BFSP2: variants seen among roughly 807,000 people sequenced by gnomAD.
BFSP2 encodes phakinin.
A neutral mutation model predicts 44.9 loss-of-function variants in BFSP2; 38 were observed. That is an observed-to-expected ratio of 0.85 (90% CI 0.65 to 1.11). The LOEUF (loss-of-function observed/expected upper bound fraction) is 1.11, where lower values mean the gene tolerates loss of function less well. BFSP2 is among the 50% of genes least tolerant of loss of function. BFSP2 has a pLI of 0.00. For missense variants in BFSP2, 525 were observed against 533.0 expected (o/e 0.99, Z 0.15); for synonymous variants, 197 against 209.9 (o/e 0.94, Z 0.53).
chr3:133,450,068 G>T (rs1450844364), intron 3 of BFSP2, among the ~76,000 whole-genome samples: 2 of 147,774 alleles, frequency 1.4e-5, no homozygotes, highest in Non-Finnish European at 3.0e-5. Flanking sequence ...GAGAGAGAAG[G>T]AAAGGAAGGA....
At chr3:133,426,430 A>T (rs1156527590) in intron 1 of BFSP2, among the ~76,000 whole-genome samples, 1 of 152,206 alleles carries the variant, frequency 6.6e-6, no homozygotes, top group African/African-American at 2.4e-5. Context: ...TCTTTTAATC[A>T]TCTTGAAATC....
At chr3:133,437,432 A>G (rs1022763949) in intron 1 of BFSP2, among the ~76,000 whole-genome samples, 19 of 152,268 alleles carry the variant, frequency 1.2e-4, no homozygotes, top group African/African-American at 4.6e-4. Context: ...CTGAGGCAGG[A>G]GAATTGCTTG....
intron 4 of BFSP2, among the ~76,000 whole-genome samples, chr3:133,450,892 A>G (rs1335096902): frequency 2.0e-5 from 3 of 152,172 alleles, no homozygotes; most frequent in Non-Finnish European, 4.4e-5. Context: ...CGGGCGGATC[A>G]TGAGGTCAGG....
At chr3:133,410,026 C>A in intron 1 of BFSP2, 1 of 183,230 alleles carries the variant, frequency 5.5e-6, no homozygotes, top group Non-Finnish European at 1.2e-5. Flanking sequence ...TTCAACAGGA[C>A]GAAGTTGCCT....
At chr3:133,469,217 C>T (rs1340622930) in intron 5 of BFSP2, among the ~76,000 whole-genome samples, 1 of 152,210 alleles carries the variant, frequency 6.6e-6, no homozygotes, top group East Asian at 1.9e-4. Context: ...TCGTTCTGGT[C>T]ACGGGGCCTT....
rs746947914 is a variant in BFSP2 at position 133,400,270 on chromosome 3, A to C, written c.187A>C (p.Ser63Arg). The C allele has an allele frequency of 6.2e-7, 1 of 1,613,990 alleles. No individual in the cohort carries two copies. The highest frequency in any genetic ancestry group is 8.5e-7 in the Non-Finnish European group (1 of 1,179,976). Residue 63 changes from serine (S) to arginine (R), a missense_variant, in exon 1 of 7, where the codon AGT becomes CGT. Physicochemically the swap from Ser to Arg is moderately radical, Grantham distance 110 (BLOSUM62 -1). Coordinates refer to ENST00000302334, the MANE Select transcript of BFSP2 (RefSeq NM_003571.4). This position sits in a 1 kb window ranked among gnomAD's most constrained non-coding sequence, Gnocchi z 4.0. ...APGVYVGTAP[S>R]GCIGGLGARV... The stretch of plus-strand genomic sequence containing the variant: ...CGGGGTCTATGTAGGAACAGCACCC[A>C]GTGGGTGCATAGGTGGCTTGGGTGC...
In BFSP2 at chr3:133,439,972, T is replaced by A. The variant is rs559470645; in HGVS notation, c.490-7345T>A. On this transcript the variant is annotated intron_variant, in intron 1 of 6. Transcript: ENST00000302334. Reference sequence around the variant, plus strand: ...AGCAATGTCACAGAGGGAGTATAAGTCCATTTTCCTACTGCTGTGAAGAAA... The same window carrying A: ...AGCAATGTCACAGAGGGAGTATAAGACCATTTTCCTACTGCTGTGAAGAAA... Among the ~76,000 whole-genome samples the A allele has an allele frequency of 2.0e-5, 3 of 152,060 alleles. No homozygotes were observed. The South Asian group carries it at 6.2e-4, about 32-fold the overall frequency.
chr3:133,446,152 G>A (rs2107921367), intron 1 of BFSP2, among the ~76,000 whole-genome samples: 1 of 152,228 alleles, frequency 6.6e-6, no homozygotes, highest in Non-Finnish European at 1.5e-5. Flanking sequence ...AGGGTTTGGT[G>A]GCTTACACCT....
intron 4 of BFSP2, among the ~76,000 whole-genome samples, chr3:133,452,950 A>G (rs1434119506): frequency 6.6e-6 from 1 of 152,238 alleles, no homozygotes; most frequent in African/African-American, 2.4e-5. Context: ...CCCTTGGAGA[A>G]TCATCACTAG....
At chr3:133,427,775 C>G (rs1018496251) in intron 1 of BFSP2, among the ~76,000 whole-genome samples, 1 of 152,208 alleles carries the variant, frequency 6.6e-6, no homozygotes, top group Middle Eastern at 3.2e-3. Flanking sequence ...GTTACATTAG[C>G]CTGGGCCAAG....
chr3:133,454,457 C>T (rs2073995141), intron 4 of BFSP2, among the ~76,000 whole-genome samples: 1 of 152,186 alleles, frequency 6.6e-6, no homozygotes, highest in South Asian at 2.1e-4. Flanking sequence ...CAATTCAATC[C>T]TGACACTACC....
chr3:133,459,281 C>T (rs181288080), intron 4 of BFSP2, among the ~76,000 whole-genome samples: 3 of 151,998 alleles, frequency 2.0e-5, no homozygotes, highest in East Asian at 3.9e-4. Flanking sequence ...GAGGTCGAGG[C>T]TGCAGTGAGC....
chr3:133,411,307 T>C (rs754375892), intron 1 of BFSP2, among the ~76,000 whole-genome samples: 1 of 151,878 alleles, frequency 6.6e-6, no homozygotes, highest in Non-Finnish European at 1.5e-5. Flanking sequence ...GACCTATAGG[T>C]ATATCCAGTA....
intron 5 of BFSP2, among the ~76,000 whole-genome samples, chr3:133,470,650 C>G (rs987186754): frequency 6.6e-6 from 1 of 152,110 alleles, no homozygotes; most frequent in Admixed American, 6.5e-5. Flanking sequence ...ATAAGTGTAA[C>G]CATAATACAA....
chr3:133,446,349 A>T (rs2073896662), intron 1 of BFSP2, among the ~76,000 whole-genome samples: 1 of 151,848 alleles, frequency 6.6e-6, no homozygotes. Context: ...TGAATCTGGG[A>T]GGCAGAGGTT....
At chr3:133,459,951 T>C (rs773663788) in intron 4 of BFSP2, among the ~76,000 whole-genome samples, 3 of 152,184 alleles carry the variant, frequency 2.0e-5, no homozygotes, top group African/African-American at 7.2e-5. Context: ...TCAGTAAATA[T>C]TGTTGAGCAC....
intron 1 of BFSP2, among the ~76,000 whole-genome samples, chr3:133,421,973 G>C (rs2073596679): frequency 1.3e-5 from 2 of 151,984 alleles, no homozygotes; most frequent in African/African-American, 4.8e-5. Context: ...TGGGTGTGGT[G>C]GTGCGCACCT....
At position 133,472,514 on chromosome 3, in the gene BFSP2, T is replaced by G; in HGVS notation, c.1193T>G (p.Leu398Arg). The G allele has an allele frequency of 1.2e-5, 20 of 1,613,110 alleles. No homozygotes were observed. Among genetic ancestry groups the G allele is most frequent in the Non-Finnish European group, 1.7e-5 (20 of 1,180,002 alleles). Residue 398 changes from leucine to arginine, a missense_variant, in exon 6 of 7, where the codon CTG (leucine) becomes CGG (arginine). Transcript: ENST00000302334. ...CATCTGCTGGCCCGCAAGTGCCAGC[T>G]GCAGAAGGACGTGGCGTCCTACCAC... ...RAHLLARKCQ[L>R]QKDVASYHAL...
At chr3:133,456,998 T>C (rs183728848) in intron 4 of BFSP2, among the ~76,000 whole-genome samples, 2 of 152,246 alleles carry the variant, frequency 1.3e-5, no homozygotes, top group Non-Finnish European at 2.9e-5. Context: ...TTCTTGCTTT[T>C]ACCAACAAGA....
Sources: gnomAD v4.1 joint callset for allele counts (sites outside exome capture counted in the v4.1 genomes callset) on GRCh38, gnomAD v4.1.1 for gene constraint, Gnocchi (gnomAD v3.1) non-coding constraint, MANE v1.5 for transcripts, NCBI Gene and HGNC (gene_info 2026-07-23, HGNC 2026-07-21) for gene names.